RALGAPA2: variants seen among roughly 807,000 people sequenced by gnomAD.
RALGAPA2 encodes Ral GTPase activating protein catalytic subunit alpha 2.
A neutral mutation model predicts 230.4 loss-of-function variants in RALGAPA2; 139 were observed. The observed-to-expected ratio is 0.60, with a 90% CI of 0.53 to 0.69. RALGAPA2 has a LOEUF of 0.69. Ranked by LOEUF, RALGAPA2 falls within the 30% of genes least tolerant of loss-of-function variation. The pLI is 0.00. For synonymous variants in RALGAPA2, 847 were observed against 837.8 expected (o/e 1.01, Z -0.19); for missense variants, 2,163 against 2,276.0 (o/e 0.95, Z 1.01).
At chr20:20,504,992 T>C (rs1204927244) in intron 34 of RALGAPA2, 1 of 983,856 alleles carries the variant, frequency 1.0e-6, no homozygotes, top group East Asian at 1.1e-4. Flanking sequence ...ATGGCTATTA[T>C]ATTATATTTT....
intron 37 of RALGAPA2, among the ~76,000 whole-genome samples, chr20:20,414,815 C>T (rs1007420857): frequency 3.3e-5 from 5 of 152,200 alleles, no homozygotes; most frequent in East Asian, 1.9e-4. Flanking sequence ...TGCATGCCCC[C>T]GACTGTCACA....
chr20:20,709,808 A>G (rs1470038753), intron 1 of RALGAPA2, among the ~76,000 whole-genome samples: 1 of 152,202 alleles, frequency 6.6e-6, no homozygotes, highest in Non-Finnish European at 1.5e-5. Context: ...TATGTTTCTC[A>G]CCCAGTTGTT....
At position 20,698,378 on chromosome 20, in the gene RALGAPA2, T is replaced by C. The variant is rs141515996; in HGVS notation, c.106+13997A>G. Among the ~76,000 whole-genome samples the C allele has an allele frequency of 7.2e-3, 1,096 of 151,838 alleles. 10 individuals are homozygous for C. The highest frequency in any genetic ancestry group is 0.025 in the African/African-American group (1,052 of 41,450). ...CTCCACCTCCTGGGTTCAAGGTTTT[T>C]GGTTTTTGGTTTCTTTGTTTTGTTT... On this transcript the variant is annotated intron_variant, in intron 1 of 39. Transcript: ENST00000202677.
intron 38 of RALGAPA2, 87 bp from the exon 39 acceptor site, chr20:20,396,821 C>A: frequency 8.7e-7 from 1 of 1,146,676 alleles, no homozygotes; most frequent in Non-Finnish European, 1.3e-6. Flanking sequence ...GCTAATAATA[C>A]ATTTATCCCT....
chr20:20,488,967 G>A (rs185867364), intron 36 of RALGAPA2, among the ~76,000 whole-genome samples: 39 of 152,232 alleles, frequency 2.6e-4, no homozygotes, highest in Admixed American at 2.3e-3. Flanking sequence ...TGCTCCTTTC[G>A]ACATTTCTAG....
chr20:20,464,960 T>G (rs2061382451), intron 37 of RALGAPA2, among the ~76,000 whole-genome samples: 3 of 152,150 alleles, frequency 2.0e-5, no homozygotes, highest in Admixed American at 2.0e-4. Flanking sequence ...AAGAGAGAGT[T>G]AATGTATATT....
At chr20:20,485,033 A>C (rs1255519161) in intron 36 of RALGAPA2, among the ~76,000 whole-genome samples, 1 of 152,130 alleles carries the variant, frequency 6.6e-6, no homozygotes, top group African/African-American at 2.4e-5. Context: ...AACTTTCTTA[A>C]AACATTATGA....
At chr20:20,478,974 G>T (rs186159544) in intron 36 of RALGAPA2, among the ~76,000 whole-genome samples, 5 of 151,610 alleles carry the variant, frequency 3.3e-5, no homozygotes, top group Admixed American at 3.3e-4. Flanking sequence ...AAACAAAAAG[G>T]AATCCAACTA....
At chr20:20,672,652 T>TA (rs1381278731) in intron 3 of RALGAPA2, among the ~76,000 whole-genome samples, 1 of 151,822 alleles carries the variant, frequency 6.6e-6, no homozygotes, top group Non-Finnish European at 1.5e-5. Flanking sequence ...GAGGAGAAAA[T>TA]AAAAGCAAGC....
At chr20:20,473,047 T>C (rs2061574679) in intron 36 of RALGAPA2, 91 bp from the exon 37 acceptor site, 2 of 1,369,150 alleles carry the variant, frequency 1.5e-6, no homozygotes, top group East Asian at 4.8e-5. Context: ...AGACCTGCAA[T>C]GAGCACTTAA....
In RALGAPA2 at chr20:20,619,296, C is replaced by T; in HGVS notation, c.1520G>A (p.Gly507Asp). The change falls in exon 12 of 40, where the codon GGC becomes GAC. Residue 507 changes from glycine (G) to aspartate (D), a missense_variant. Gly to Asp is a moderately conservative substitution (Grantham distance 94). Coordinates refer to ENST00000202677, the MANE Select transcript of RALGAPA2 (RefSeq NM_020343.4). ...ACATACCTGCAACAAAGCCTGGACG[C>T]CGGCTTTCACATTTGTATTTTCCTC... ...TEEENTNVKA[G>D]VQALLQVFLT... 4 of 1,608,070 alleles carry T rather than the reference C, an allele frequency of 2.5e-6. No homozygotes were observed. Among genetic ancestry groups the T allele is most frequent in the Non-Finnish European group, 3.4e-6 (4 of 1,176,224 alleles).
intron 37 of RALGAPA2, among the ~76,000 whole-genome samples, chr20:20,462,656 A>T (rs2061329662): frequency 6.6e-6 from 1 of 152,158 alleles, no homozygotes; most frequent in Non-Finnish European, 1.5e-5. Context: ...TCACCCCTAG[A>T]TTACCAAAAA....
At chr20:20,433,925 T>C (rs2060551799) in intron 37 of RALGAPA2, among the ~76,000 whole-genome samples, 1 of 152,240 alleles carries the variant, frequency 6.6e-6, no homozygotes. Context: ...ATGTATTTTA[T>C]ATAGTAAAGT....
rs563121326 is a variant in RALGAPA2, at chr20:20,706,326, G to T, written c.106+6049C>A. ...CCAAAGTTCCATTTACATTCTAGAG[G>T]TTATAAATGTAATTGATGAAAAAAC... is the stretch of plus-strand genomic sequence containing the variant. On this transcript the variant is annotated intron_variant, in intron 1 of 39. Coordinates refer to ENST00000202677, the MANE Select transcript of RALGAPA2 (RefSeq NM_020343.4). Among the ~76,000 whole-genome samples the T allele has an allele frequency of 3.3e-5, 5 of 152,230 alleles. No individual in the cohort carries two copies. The South Asian group carries it at 8.3e-4, about 25-fold the overall frequency.
At chr20:20,417,477 A>G (rs1463766149) in intron 37 of RALGAPA2, among the ~76,000 whole-genome samples, 1 of 152,178 alleles carries the variant, frequency 6.6e-6, no homozygotes, top group East Asian at 1.9e-4. Flanking sequence ...TTCCTATTCT[A>G]TGTGTCTCTC....
At position 20,407,913 on chromosome 20, in the gene RALGAPA2, T is replaced by C. The variant is rs1053795273; in HGVS notation, c.5617+4114A>G. 3.3e-5 allele frequency among the ~76,000 whole-genome samples: 5 copies of C among 152,332 alleles called. No individual in the cohort carries two copies. In the South Asian group the frequency reaches 1.0e-3, roughly 32 times the overall value. On this transcript the variant is annotated intron_variant, in intron 38 of 39. Coordinates refer to ENST00000202677, the MANE Select transcript of RALGAPA2 (RefSeq NM_020343.4). Reference sequence around the variant, plus strand: ...GTTTAAGCTCCAAATACGACCTACATTAAAAGTGGCAGACTCTGATGAAGC... The same window carrying C: ...GTTTAAGCTCCAAATACGACCTACACTAAAAGTGGCAGACTCTGATGAAGC...
At chr20:20,453,752 G>A (rs181635182) in intron 37 of RALGAPA2, among the ~76,000 whole-genome samples, 8 of 152,282 alleles carry the variant, frequency 5.3e-5, no homozygotes, top group Admixed American at 2.6e-4. Context: ...GGTGGGCACC[G>A]GGCCTTCCAT....
intron 21 of RALGAPA2, 50 bp downstream of exon 21, chr20:20,572,825 A>G: frequency 1.5e-6 from 2 of 1,366,588 alleles, no homozygotes; most frequent in East Asian, 2.6e-5. Context: ...ACATTAAATG[A>G]TAAGACCATT....
At chr20:20,638,160 A>G (rs1249970465) in intron 7 of RALGAPA2, among the ~76,000 whole-genome samples, 1 of 152,208 alleles carries the variant, frequency 6.6e-6, no homozygotes, top group African/African-American at 2.4e-5. Context: ...AATAGCTGGG[A>G]CCGCCCCTCA....
Sources: allele counts gnomAD v4.1 joint callset (sites outside exome capture counted in the v4.1 genomes callset), GRCh38; gene constraint gnomAD v4.1.1; transcripts MANE v1.5; gene names NCBI Gene and HGNC (gene_info 2026-07-23, HGNC 2026-07-21).